The following BICDL1 variants were observed in gnomAD, a reference collection of about 807,000 sequenced individuals.
The protein encoded by BICDL1 is BICD family-like cargo adapter 1.
Under a neutral mutation model 76.8 loss-of-function variants are expected in BICDL1, and 20 were observed. The ratio of observed to expected loss-of-function variants is 0.26; its 90% CI spans 0.18 to 0.38. BICDL1 has a LOEUF of 0.38. BICDL1 is among the 10% of genes least tolerant of loss of function. The pLI, the probability that BICDL1 is intolerant of heterozygous loss-of-function variation, is 1.00. For synonymous variants in BICDL1, 383 were observed against 337.1 expected (o/e 1.14, Z -1.49); for missense variants, 700 against 798.6 (o/e 0.88, Z 1.49).
At chr12:120,019,347 A>C (rs1594123148) in intron 2 of BICDL1, 1 of 152,054 alleles carries the variant, frequency 6.6e-6, no homozygotes, top group East Asian at 1.9e-4. Context: ...TTATCCTCTG[A>C]CTCTACTGTA....
At chr12:120,035,633 C>T (rs1055258240) in intron 2 of BICDL1, among the ~76,000 whole-genome samples, 19 of 152,096 alleles carry the variant, frequency 1.2e-4, no homozygotes, top group African/African-American at 3.4e-4. Flanking sequence ...AATGCCCTTG[C>T]GTCAAAATCT....
rs116466810 is a variant in BICDL1 at position 120,091,467 on chromosome 12, C to T, written c.1704+1396C>T. ...TTAGCGTAGATTTTACTGAGCACGTCGTAAGTGCAGGGCACTGTGCCAAGG... is the reference window on the plus strand; with the variant it reads ...TTAGCGTAGATTTTACTGAGCACGTTGTAAGTGCAGGGCACTGTGCCAAGG... On this transcript the variant is annotated intron_variant, in intron 9 of 9. Transcript: ENST00000548673. 3.1e-4 allele frequency: 314 copies of T among 998,572 alleles called. No homozygotes were observed. In the African/African-American group the frequency reaches 4.6e-3, roughly 15 times the overall value. The allele number at this position is 998,572 out of a possible 1,614,324, so 61.9% of individuals were successfully genotyped here. A position where few individuals can be genotyped will look rare whatever the true frequency, so the allele number is the denominator to read the frequency against.
chr12:120,025,862 G>C (rs1952289589), intron 2 of BICDL1, among the ~76,000 whole-genome samples: 1 of 151,524 alleles, frequency 6.6e-6, no homozygotes, highest in Non-Finnish European at 1.5e-5. Flanking sequence ...TTTGGAGACA[G>C]AGTTTTGCTC....
At chr12:120,010,589 G>A (rs1951933401) in intron 2 of BICDL1, among the ~76,000 whole-genome samples, 1 of 152,168 alleles carries the variant, frequency 6.6e-6, no homozygotes, top group Non-Finnish European at 1.5e-5. Context: ...GTCTCTAAGA[G>A]GTGCCTCAGG....
At chr12:120,074,280 T>C (rs1295746288) in intron 6 of BICDL1, among the ~76,000 whole-genome samples, 163 bp from the exon 7 acceptor site, 2 of 151,964 alleles carry the variant, frequency 1.3e-5, no homozygotes, top group African/African-American at 4.8e-5. Context: ...CTCCTTCCCT[T>C]CATCTTCCCT....
intron 2 of BICDL1, among the ~76,000 whole-genome samples, chr12:120,026,219 T>A (rs1433334399): frequency 1.3e-5 from 2 of 152,174 alleles, no homozygotes; most frequent in Non-Finnish European, 2.9e-5. Flanking sequence ...GTTCTGAAAT[T>A]TACATGGAAA....
At chr12:120,023,961 TAAGTA>T (rs1566224536) in intron 2 of BICDL1, among the ~76,000 whole-genome samples, 2 of 151,934 alleles carry the variant, frequency 1.3e-5, no homozygotes, top group Admixed American at 6.6e-5. Flanking sequence ...GTTTAAAACT[TAAGTA>T]GAAACATGGA....
Position 120,061,735 on chromosome 12 carries a change from C to T in BICDL1, c.671C>T (p.Ser224Phe), listed in dbSNP as rs777581211. The change falls in exon 3 of 10, where the codon TCC (serine) becomes TTC (phenylalanine). Residue 224 changes from serine to phenylalanine, a missense_variant. This residue lies in a region of BICDL1 where 455 missense variants were observed against 548.7 expected (regional missense o/e 0.83). Coordinates refer to ENST00000548673, the MANE Select transcript of BICDL1 (RefSeq NM_001367886.1). Reference sequence around the variant, plus strand: ...GCATCAGAAGTTGAGAGACAACTCTCCATGCAGGTCCACGCCCTCAGAGAA... The same window carrying T: ...GCATCAGAAGTTGAGAGACAACTCTTCATGCAGGTCCACGCCCTCAGAGAA... ...SRASEVERQL[S>F]MQVHALREDF... 1.2e-6 allele frequency: 2 copies of T among 1,614,058 alleles called. No individual in the cohort carries two copies. The highest frequency in any genetic ancestry group is 1.7e-6 in the Non-Finnish European group (2 of 1,179,884).
At chr12:120,014,399 A>C (rs1952018221) in intron 2 of BICDL1, among the ~76,000 whole-genome samples, 1 of 152,216 alleles carries the variant, frequency 6.6e-6, no homozygotes. Context: ...GTTTGAATTA[A>C]AAAACCATTC....
In BICDL1 at chr12:120,079,070, C is replaced by G. The variant is rs368547475; in HGVS notation, c.1453-1817C>G. 6.6e-6 allele frequency among the ~76,000 whole-genome samples: 1 copy of G among 152,230 alleles called. No individual in the cohort carries two copies. Among genetic ancestry groups the G allele is most frequent in the Non-Finnish European group, 1.5e-5 (1 of 68,040 alleles). On this transcript the variant is annotated intron_variant, in intron 7 of 9. Coordinates refer to ENST00000548673, the MANE Select transcript of BICDL1 (RefSeq NM_001367886.1). This position sits in a 1 kb window ranked among gnomAD's most constrained non-coding sequence, Gnocchi z 4.3. ...GCAGGTGCTCCAGCCTGTTCTTCCC[C>G]GAGGCTTCCGCCCTCCTCACCCAGC...
intron 2 of BICDL1, among the ~76,000 whole-genome samples, chr12:120,023,622 C>T (rs1164668523): frequency 2.0e-5 from 3 of 152,044 alleles, no homozygotes; most frequent in African/African-American, 7.2e-5. Context: ...AACCCCATCT[C>T]TACTAAAAAT....
chr12:119,989,977 C>T lies in BICDL1; in HGVS notation c.109C>T (p.Pro37Ser). 1 of 1,467,222 alleles carries T rather than the reference C, an allele frequency of 6.8e-7. No individual in the cohort carries two copies. The highest frequency in any genetic ancestry group is 1.4e-5 in the South Asian group (1 of 72,588). The allele number at this position is 1,467,222 out of a possible 1,614,324, so 90.9% of individuals were successfully genotyped here. ...PAAAGDAVRSPAAAAALIFPG... is the reference protein window; with the variant it reads ...PAAAGDAVRSSAAAAALIFPG... ...CGCGGCCGGGGACGCAGTCCGGAGT[C>T]CCGCCGCCGCCGCCGCCCTCATCTT... The change falls in exon 1 of 10, where the codon CCC (proline) becomes TCC (serine). Residue 37 changes from proline to serine, a missense_variant. Coordinates refer to ENST00000548673, the MANE Select transcript of BICDL1 (RefSeq NM_001367886.1).
intron 2 of BICDL1, among the ~76,000 whole-genome samples, chr12:120,008,700 C>T (rs1377212187): frequency 6.6e-6 from 1 of 152,086 alleles, no homozygotes; most frequent in East Asian, 1.9e-4. Context: ...CCTTTTACAT[C>T]ACTAGGTAAA....
At chr12:120,044,815 T>C (rs1379214386) in intron 2 of BICDL1, among the ~76,000 whole-genome samples, 3 of 152,208 alleles carry the variant, frequency 2.0e-5, no homozygotes, top group African/African-American at 7.2e-5. Flanking sequence ...TGTAGCCTTG[T>C]AGTATAGTTT....
chr12:120,092,089 G>A (rs1229624646), intron 9 of BICDL1: 4 of 985,338 alleles, frequency 4.1e-6, no homozygotes, highest in South Asian at 4.7e-5. Context: ...AATTACACAG[G>A]CTGCTCATAT....
intron 2 of BICDL1, among the ~76,000 whole-genome samples, chr12:120,060,448 C>T (rs1455273512): frequency 6.6e-6 from 1 of 152,130 alleles, no homozygotes; most frequent in Non-Finnish European, 1.5e-5. Flanking sequence ...CTTCATGTAG[C>T]TCTGAACTTC....
chr12:120,030,691 T>TAAAA (rs1952404027), intron 2 of BICDL1, among the ~76,000 whole-genome samples: 1 of 152,226 alleles, frequency 6.6e-6, no homozygotes, highest in Non-Finnish European at 1.5e-5. Context: ...CCCACATCAC[T>TAAAA]AAAATAGTTG....
intron 2 of BICDL1, among the ~76,000 whole-genome samples, chr12:120,045,858 A>T (rs1952738310): frequency 2.0e-5 from 3 of 151,756 alleles, no homozygotes; most frequent in Admixed American, 2.0e-4. Flanking sequence ...AGCATGGCAC[A>T]TGTATGCATA....
At chr12:119,998,851 T>A in intron 2 of BICDL1, 115 bp downstream of exon 2, 1 of 973,208 alleles carries the variant, frequency 1.0e-6, no homozygotes, top group Non-Finnish European at 1.5e-6. Context: ...GGAGAAGCAC[T>A]TCAGACCAAT....
Sources: allele counts gnomAD v4.1 joint callset (sites outside exome capture counted in the v4.1 genomes callset), GRCh38; gene constraint gnomAD v4.1.1; regional missense constraint gnomAD v4.1.1; non-coding constraint Gnocchi (gnomAD v3.1); transcripts MANE v1.5; gene names NCBI Gene and HGNC (gene_info 2026-07-23, HGNC 2026-07-21).